The following SLC2A13 variants were observed in gnomAD, a reference collection of about 807,000 sequenced individuals.
SLC2A13 encodes the protein solute carrier family 2 member 13, also known as proton myo-inositol cotransporter.
A neutral mutation model predicts 64.4 loss-of-function variants in SLC2A13; 32 were observed. The observed-to-expected ratio is 0.50, with a 90% CI of 0.37 to 0.67. SLC2A13 has a LOEUF of 0.67. Ranked by LOEUF, SLC2A13 falls within the 30% of genes least tolerant of loss-of-function variation. The probability of loss-of-function intolerance (pLI) is 0.00; values close to 1 mark genes in which losing one functional copy is unlikely to be tolerated. For missense variants in SLC2A13, 743 were observed against 829.2 expected (o/e 0.90, Z 1.28); for synonymous variants, 338 against 327.1 (o/e 1.03, Z -0.36).
chr12:40,101,651 T>C (rs1939152471), intron 1 of SLC2A13, among the ~76,000 whole-genome samples: 1 of 152,134 alleles, frequency 6.6e-6, no homozygotes, highest in Non-Finnish European at 1.5e-5. Flanking sequence ...GCTCTCCAAA[T>C]AAACCATATT....
chr12:39,786,268 C>T (rs1025995615), intron 7 of SLC2A13, among the ~76,000 whole-genome samples: 5 of 152,078 alleles, frequency 3.3e-5, no homozygotes, highest in African/African-American at 9.6e-5. Context: ...CTCGTGATAG[C>T]GAATAAGTCT....
intron 5 of SLC2A13, among the ~76,000 whole-genome samples, chr12:39,870,206 G>A (rs1944009169): frequency 6.6e-6 from 1 of 152,092 alleles, no homozygotes. Context: ...TTAAAAAATA[G>A]ACTTCTTGAG....
At chr12:39,980,574 A>G (rs985832305) in intron 3 of SLC2A13, among the ~76,000 whole-genome samples, 3 of 151,692 alleles carry the variant, frequency 2.0e-5, no homozygotes, top group African/African-American at 7.3e-5. Flanking sequence ...AAAGAGACAA[A>G]GAAGGCCATT....
intron 2 of SLC2A13, among the ~76,000 whole-genome samples, chr12:40,045,411 T>A (rs1258188340): frequency 2.0e-5 from 3 of 151,692 alleles, no homozygotes; most frequent in Admixed American, 1.3e-4. Context: ...TAATTATGAA[T>A]AAGTTATCAA....
chr12:39,914,760 G>A (rs1032972692), intron 4 of SLC2A13, among the ~76,000 whole-genome samples: 8 of 151,876 alleles, frequency 5.3e-5, no homozygotes, highest in African/African-American at 1.2e-4. Context: ...AAACGGACTC[G>A]CTGTGTAGAA....
chr12:40,007,691 A>G (rs2136190370), intron 3 of SLC2A13, among the ~76,000 whole-genome samples: 1 of 152,300 alleles, frequency 6.6e-6, no homozygotes, highest in East Asian at 1.9e-4. Context: ...CTTGGGCAAG[A>G]TTGTTAACTT....
intron 7 of SLC2A13, among the ~76,000 whole-genome samples, chr12:39,820,717 TTATATATATATATATATATATATA>T (rs11272834): frequency 0.011 from 1,482 of 132,566 alleles, 20 homozygotes; most frequent in Non-Finnish European, 0.018. Flanking sequence ...ATTTTTAAAT[TTATATATATATATATATATATATA>T]TATATATATA....
At chr12:39,962,560 C>A (rs1292163719) in intron 3 of SLC2A13, among the ~76,000 whole-genome samples, 1 of 152,192 alleles carries the variant, frequency 6.6e-6, no homozygotes, top group Non-Finnish European at 1.5e-5. Context: ...TGCTGCCTGC[C>A]ATTAGACAAA....
chr12:39,999,761 C>T (rs752351492), intron 3 of SLC2A13, among the ~76,000 whole-genome samples: 18 of 152,188 alleles, frequency 1.2e-4, no homozygotes, highest in Non-Finnish European at 1.8e-4. Context: ...TTGCCCTTTG[C>T]TGTTTCCTCA....
chr12:40,035,040 ACT>A (rs947190890), intron 2 of SLC2A13, among the ~76,000 whole-genome samples: 4 of 152,178 alleles, frequency 2.6e-5, no homozygotes, highest in Non-Finnish European at 5.9e-5. Context: ...AAAAAGCATA[ACT>A]CAAACCCCTT....
rs139848744 is a variant in SLC2A13, at chr12:40,082,671, G to A, written c.556+22582C>T. On this transcript the variant is annotated intron_variant, in intron 1 of 9. Coordinates refer to ENST00000280871, the MANE Select transcript of SLC2A13 (RefSeq NM_052885.4). ...GAGTACAGTGGGCCTTGAAGGATGA[G>A]CACCCATGACTATGCTCCACTGCAG... Among the ~76,000 whole-genome samples, 530 of 152,302 alleles carry A rather than the reference G, an allele frequency of 3.5e-3. 2 individuals are homozygous for A. The highest frequency in any genetic ancestry group is 0.012 in the African/African-American group (505 of 41,560).
At chr12:40,088,021 C>T (rs11564161) in intron 1 of SLC2A13, among the ~76,000 whole-genome samples, 6,973 of 152,234 alleles carry the variant, frequency 0.046, 224 homozygotes, top group Middle Eastern at 0.071. Flanking sequence ...ATAACATTTA[C>T]TGTATACTAC....
intron 4 of SLC2A13, among the ~76,000 whole-genome samples, chr12:39,927,604 G>GA (rs1439380623): frequency 6.6e-6 from 1 of 152,052 alleles, no homozygotes; most frequent in Non-Finnish European, 1.5e-5. Context: ...TATCAAACGA[G>GA]AAAAAATATT....
chr12:40,047,432 A>G (rs935025116), intron 2 of SLC2A13, among the ~76,000 whole-genome samples: 3 of 152,228 alleles, frequency 2.0e-5, no homozygotes, highest in African/African-American at 7.2e-5. Flanking sequence ...CATGAGTACT[A>G]TAAAGATATC....
intron 4 of SLC2A13, among the ~76,000 whole-genome samples, chr12:39,924,404 T>A (rs998585185): frequency 9.8e-5 from 15 of 152,300 alleles, no homozygotes; most frequent in Admixed American, 9.2e-4. Context: ...CTGTAAATGA[T>A]TCTGCAATTA....
At chr12:39,830,080 G>A (rs201461644) in intron 7 of SLC2A13, 23 bp downstream of exon 7, 27 of 1,612,660 alleles carry the variant, frequency 1.7e-5, no homozygotes, top group South Asian at 4.4e-5. Flanking sequence ...TTATATATTC[G>A]TATGGTAAAA....
intron 4 of SLC2A13, among the ~76,000 whole-genome samples, chr12:39,883,704 G>A (rs1944399327): frequency 6.6e-6 from 1 of 152,160 alleles, no homozygotes; most frequent in African/African-American, 2.4e-5. Flanking sequence ...AACTTTGCAA[G>A]AACTTTCATT....
intron 6 of SLC2A13, among the ~76,000 whole-genome samples, chr12:39,830,643 A>G (rs1330350464): frequency 6.6e-6 from 1 of 152,138 alleles, no homozygotes; most frequent in Non-Finnish European, 1.5e-5. Flanking sequence ...TACCTCATAC[A>G]CCATCTATTT....
chr12:40,037,990 T>A (rs574366928), intron 2 of SLC2A13, among the ~76,000 whole-genome samples: 167 of 152,342 alleles, frequency 1.1e-3, no homozygotes, highest in Non-Finnish European at 1.9e-3. Flanking sequence ...AAGAACCAAC[T>A]GTTAACATTG....
Sources: allele counts gnomAD v4.1 joint callset (sites outside exome capture counted in the v4.1 genomes callset), GRCh38; gene constraint gnomAD v4.1.1; transcripts MANE v1.5; gene names NCBI Gene and HGNC (gene_info 2026-07-23, HGNC 2026-07-21).